NOSTRIN: variants seen among roughly 807,000 people sequenced by gnomAD.
NOSTRIN encodes the protein nitric oxide synthase trafficking.
In NOSTRIN, 63 loss-of-function variants were observed where a neutral mutation model predicts 59.0. The observed-to-expected ratio is 1.07, with a 90% confidence interval of 0.87 to 1.32. NOSTRIN has a LOEUF of 1.32. Ranked by LOEUF, NOSTRIN falls within the 40% of genes most tolerant of loss-of-function variation. The pLI, the probability that NOSTRIN is intolerant of heterozygous loss-of-function variation, is 0.00. For missense variants in NOSTRIN, 512 were observed against 473.1 expected, an observed-to-expected ratio of 1.08 and a Z score of -0.76; for synonymous variants, 200 against 165.4, an observed-to-expected ratio of 1.21 and a Z score of -1.61.
intron 2 of NOSTRIN, chr2:168,818,177 G>T: frequency 2.9e-6 from 1 of 348,850 alleles, no homozygotes; most frequent in Non-Finnish European, 5.9e-6. Flanking sequence ...TTTAGAGATG[G>T]GGTTCTCATT....
At position 168,865,157 on chromosome 2, in the gene NOSTRIN, G is replaced by GAGAC. The variant is rs1689787736; in HGVS notation, c.*193_*196dup. ...CAGTCAGAAAAAAGATGGATGGGTG[G>GAGAC]AGACAGACAAGGAAGAGGCTCCTTG... On this transcript the variant is annotated 3_prime_UTR_variant, in exon 16 of 16. Transcript: ENST00000317647. The GAGAC allele has an allele frequency of 1.6e-6, 1 of 645,074 alleles. No individual in the cohort carries two copies. The allele number at this position is 645,074 out of a possible 1,614,324, so 40.0% of individuals were successfully genotyped here.
intron 2 of NOSTRIN, among the ~76,000 whole-genome samples, chr2:168,790,373 T>G (rs1022213351): frequency 3.3e-5 from 5 of 152,174 alleles, no homozygotes; most frequent in African/African-American, 1.2e-4. Flanking sequence ...ATTTACTAAC[T>G]TCAAAGGTTA....
At position 168,845,349 on chromosome 2, in the gene NOSTRIN, C is replaced by T. The variant is rs1688349795; in HGVS notation, c.630+2232C>T. Among the ~76,000 whole-genome samples the T allele has an allele frequency of 2.0e-5, 3 of 152,136 alleles. No homozygotes were observed. The South Asian group carries it at 6.2e-4, about 32-fold the overall frequency. On this transcript the variant is annotated intron_variant, in intron 8 of 15. Transcript: ENST00000317647. Reference sequence around the variant, plus strand: ...GGAGATGGGAGAGACATTTCTGCTCCCACTCCATCTTCCAGGCACCCACCC... The same window carrying T: ...GGAGATGGGAGAGACATTTCTGCTCTCACTCCATCTTCCAGGCACCCACCC...
At chr2:168,839,042 C>T (rs1399272724) in intron 7 of NOSTRIN, among the ~76,000 whole-genome samples, 1 of 152,128 alleles carries the variant, frequency 6.6e-6, no homozygotes, top group Non-Finnish European at 1.5e-5. Context: ...GACTTGGCCT[C>T]CCAAAGTGCT....
intron 2 of NOSTRIN, among the ~76,000 whole-genome samples, chr2:168,792,619 T>G (rs972067916): frequency 6.6e-6 from 1 of 151,950 alleles, no homozygotes; most frequent in Non-Finnish European, 1.5e-5. Context: ...TCAGCTAATT[T>G]TTTGTTTGTT....
chr2:168,828,061 G>A (rs1474818593), intron 3 of NOSTRIN, 97 bp from the exon 4 acceptor site: 12 of 790,286 alleles, frequency 1.5e-5, no homozygotes, highest in South Asian at 1.4e-4. Context: ...ATTGTTGAAT[G>A]TGGTGAATCA....
At chr2:168,832,280 T>C (rs547551183) in intron 6 of NOSTRIN, among the ~76,000 whole-genome samples, 1 of 152,284 alleles carries the variant, frequency 6.6e-6, no homozygotes, top group South Asian at 2.1e-4. Flanking sequence ...CATATCTGTA[T>C]GAGTTCTTAA....
intron 2 of NOSTRIN, among the ~76,000 whole-genome samples, chr2:168,821,263 A>G (rs530264793): frequency 1.3e-5 from 2 of 152,358 alleles, no homozygotes; most frequent in African/African-American, 4.8e-5. Flanking sequence ...TAGGTATTTC[A>G]AGTGCTTGAC....
At chr2:168,832,720 T>C (rs1431339340) in intron 6 of NOSTRIN, among the ~76,000 whole-genome samples, 3 of 152,230 alleles carry the variant, frequency 2.0e-5, no homozygotes, top group African/African-American at 7.2e-5. Context: ...CCAGAAACAG[T>C]ATCCAGTCAT....
chr2:168,810,345 C>T (rs148233816), intron 1 of NOSTRIN, among the ~76,000 whole-genome samples: 27 of 152,240 alleles, frequency 1.8e-4, no homozygotes, highest in African/African-American at 6.3e-4. Context: ...GTATCCTAGG[C>T]GTTGGTTTGT....
chr2:168,846,232 C>T (rs529906137), intron 8 of NOSTRIN, among the ~76,000 whole-genome samples: 6 of 152,262 alleles, frequency 3.9e-5, no homozygotes, highest in Non-Finnish European at 5.9e-5. Context: ...ATAACAAAAA[C>T]AGCCTGAATT....
At chr2:168,857,068 G>T in intron 12 of NOSTRIN, among the ~76,000 whole-genome samples, 1 of 152,006 alleles carries the variant, frequency 6.6e-6, no homozygotes. Context: ...CTTTAACCCA[G>T]TTAAGAAAAG....
intron 15 of NOSTRIN, among the ~76,000 whole-genome samples, chr2:168,863,089 T>G (rs541701528): frequency 6.6e-6 from 1 of 152,332 alleles, no homozygotes; most frequent in South Asian, 2.1e-4. Context: ...AGTTACATCA[T>G]TCACAATAAA....
At position 168,802,741 on chromosome 2, in the gene NOSTRIN, G is replaced by T. The variant is rs6720808; in HGVS notation, c.27+68G>T. 1.7e-3 allele frequency: 1,391 copies of T among 841,538 alleles called. 22 individuals carry two copies. The African/African-American group carries it at 0.021, about 12-fold the overall frequency. 52.1% of individuals were successfully genotyped at this position (841,538 alleles called of 1,614,324 possible). A position where few individuals can be genotyped will look rare whatever the true frequency, so the allele number is the denominator to read the frequency against. On this transcript the variant is annotated intron_variant, in intron 1 of 15. Coordinates refer to ENST00000317647, the MANE Select transcript of NOSTRIN (RefSeq NM_001039724.4). ...GTGGAGGGTGGATTTGTATATTAAT[G>T]GATTTTAACTTAAGAAATTTGAGAC...
chr2:168,805,599 G>A (rs1685806608), intron 1 of NOSTRIN, among the ~76,000 whole-genome samples: 1 of 152,146 alleles, frequency 6.6e-6, no homozygotes, highest in South Asian at 2.1e-4. Flanking sequence ...CCAAATTTTT[G>A]CTTTTTACAC....
intron 7 of NOSTRIN, among the ~76,000 whole-genome samples, chr2:168,840,840 A>G (rs939703167): frequency 7.2e-5 from 11 of 152,206 alleles, no homozygotes; most frequent in Non-Finnish European, 1.3e-4. Flanking sequence ...CTGGGGAGCT[A>G]TAGTCAAAAC....
intron 14 of NOSTRIN, among the ~76,000 whole-genome samples, chr2:168,861,113 C>CTAT (rs1348879051): frequency 6.6e-6 from 1 of 152,176 alleles, no homozygotes; most frequent in Non-Finnish European, 1.5e-5. Flanking sequence ...GGGAAAGTAT[C>CTAT]CTATGAGAAG....
intron 3 of NOSTRIN, among the ~76,000 whole-genome samples, chr2:168,825,996 C>T (rs1422318153): frequency 6.6e-6 from 1 of 152,126 alleles, no homozygotes; most frequent in African/African-American, 2.4e-5. Flanking sequence ...AGATACACTG[C>T]CCAGGTTTAA....
intron 5 of NOSTRIN, 85 bp from the exon 6 acceptor site, chr2:168,831,387 A>G: frequency 1.3e-6 from 1 of 761,722 alleles, no homozygotes; most frequent in South Asian, 1.4e-5. Flanking sequence ...CAATCGATAC[A>G]TTTTAGGGGC....
Sources: allele counts gnomAD v4.1 joint callset (sites outside exome capture counted in the v4.1 genomes callset), GRCh38; gene constraint gnomAD v4.1.1; transcripts MANE v1.5; gene names NCBI Gene and HGNC (gene_info 2026-07-23, HGNC 2026-07-21).